Variants in WDR33 observed in about 807,000 individuals in gnomAD.
The protein encoded by WDR33 is WD repeat domain 33.
In WDR33, 47 loss-of-function variants were observed where a neutral mutation model predicts 164.9. The ratio of observed to expected loss-of-function variants is 0.29; its 90% confidence interval spans 0.23 to 0.36. The LOEUF is 0.36. Ranked by LOEUF, WDR33 falls within the 10% of genes least tolerant of loss-of-function variation. The pLI is 1.00. For synonymous variants in WDR33, 505 were observed against 589.0 expected, an observed-to-expected ratio of 0.86 and a Z score of 2.06; for missense variants, 1,137 against 1,754.1, an observed-to-expected ratio of 0.65 and a Z score of 6.28.
chr2:127,765,145 T>A (rs774066485), intron 5 of WDR33, 29 bp downstream of exon 5: 2 of 1,598,782 alleles, frequency 1.3e-6, no homozygotes, highest in East Asian at 4.5e-5. Context: ...TACCACAGGA[T>A]GATGATACCA....
chr2:127,774,652 AC>A (rs1210030450), intron 1 of WDR33, among the ~76,000 whole-genome samples: 1 of 151,198 alleles, frequency 6.6e-6, no homozygotes, highest in African/African-American at 2.4e-5. Flanking sequence ...ACATGGTGAA[AC>A]CCCGTCTCTA....
chr2:127,749,661 CAAAAAAAA>C (rs1212240477), intron 7 of WDR33, among the ~76,000 whole-genome samples: 1 of 80,986 alleles, frequency 1.2e-5, no homozygotes, highest in Admixed American at 1.3e-4. Flanking sequence ...GACTCCACCT[CAAAAAAAA>C]AAAAAAAAAG....
chr2:127,795,251 C>A (rs555913869), intron 1 of WDR33, among the ~76,000 whole-genome samples: 1 of 151,802 alleles, frequency 6.6e-6, no homozygotes, highest in African/African-American at 2.4e-5. Context: ...CAGGCGTGTA[C>A]CACCATGCCC....
chr2:127,749,212 A>G (rs1687247953), intron 7 of WDR33, among the ~76,000 whole-genome samples: 1 of 152,154 alleles, frequency 6.6e-6, no homozygotes, highest in Admixed American at 6.6e-5. Flanking sequence ...GTGGCATGCA[A>G]CTGCAGTCCC....
In WDR33 at chr2:127,716,863, G is replaced by A. The variant is rs1686314159; in HGVS notation, c.2869+292C>T. ...ACAAACACACACTTGCACTCAGTGA[G>A]CACAGGAACCACCTGCATTGCCAAC... On this transcript the variant is annotated intron_variant, in intron 17 of 21. Transcript: ENST00000322313. This position sits in a 1 kb window ranked among gnomAD's most constrained non-coding sequence, Gnocchi z 4.5. 6.6e-6 allele frequency among the ~76,000 whole-genome samples: 1 copy of A among 152,224 alleles called. No individual in the cohort carries two copies. The highest frequency in any genetic ancestry group is 2.1e-4 in the South Asian group (1 of 4,830).
At position 127,708,995 on chromosome 2, in the gene WDR33, C is replaced by G. The variant is rs1172911458; in HGVS notation, c.3566-103G>C. On this transcript the variant is annotated intron_variant, in intron 20 of 21. Coordinates refer to ENST00000322313, the MANE Select transcript of WDR33 (RefSeq NM_018383.5). This position sits in a 1 kb window ranked among gnomAD's most constrained non-coding sequence, Gnocchi z 6.7. ...GGAGCAACTCGAGAGCCACCGTTCA[C>G]TCATGCTGAATGCCCGCCAGAGGCC... 5.5e-6 allele frequency: 7 copies of G among 1,283,054 alleles called. No homozygotes were observed. The highest frequency in any genetic ancestry group is 3.0e-5 in the African/African-American group (2 of 66,836). 79.5% of individuals were successfully genotyped at this position (1,283,054 alleles called of 1,614,324 possible).
chr2:127,745,867 A>C (rs1687153314), intron 7 of WDR33, among the ~76,000 whole-genome samples: 1 of 151,962 alleles, frequency 6.6e-6, no homozygotes, highest in Non-Finnish European at 1.5e-5. Context: ...TCTATTCAAA[A>C]AACAATCTGT....
chr2:127,748,648 A>G (rs1687231531), intron 7 of WDR33, among the ~76,000 whole-genome samples: 2 of 152,210 alleles, frequency 1.3e-5, no homozygotes, highest in African/African-American at 4.8e-5. Context: ...AGCACATCCA[A>G]GTATCTGGGT....
rs1687022295 is a variant in WDR33 at position 127,741,757 on chromosome 2, C to T, written c.725-14980G>A. ...AACAGGAACAACAGATCAAACCAGA[C>T]ATCCACACAAACACCCCAATTACTA... On this transcript the variant is annotated intron_variant, in intron 7 of 21. Transcript: ENST00000322313. This position sits in a 1 kb window ranked among gnomAD's most constrained non-coding sequence, Gnocchi z 4.1. 6.6e-6 allele frequency among the ~76,000 whole-genome samples: 1 copy of T among 152,146 alleles called. No homozygotes were observed. Among genetic ancestry groups the T allele is most frequent in the Non-Finnish European group, 1.5e-5 (1 of 68,034 alleles).
chr2:127,760,089 A>G (rs1687633894), intron 7 of WDR33, among the ~76,000 whole-genome samples: 1 of 152,306 alleles, frequency 6.6e-6, no homozygotes, highest in African/African-American at 2.4e-5. Flanking sequence ...TTCTGATATA[A>G]AGAAAGAATT....
Position 127,763,152 on chromosome 2 carries a change from G to A in WDR33, c.634C>T (p.Pro212Ser), listed in dbSNP as rs1330311866. ...CATGTAGCAAATTTATTATCCGTGGGTGAGAAACTGTTACATGAAGACACA... is the reference window on the plus strand; with the variant it reads ...CATGTAGCAAATTTATTATCCGTGGATGAGAAACTGTTACATGAAGACACA... The part of the protein sequence containing the change: ...KEAIREASFS[P>S]TDNKFATCSD... Residue 212 changes from proline (P) to serine (S), a missense_variant, in exon 7 of 22, where the codon CCC becomes TCC. Physicochemically the swap from Pro to Ser is moderately conservative, Grantham distance 74 (BLOSUM62 -1). Around this residue, in one of 9 missense-constraint regions of WDR33, gnomAD observed 83 missense variants for 189.2 expected, o/e 0.44. Coordinates refer to ENST00000322313, the MANE Select transcript of WDR33 (RefSeq NM_018383.5). The surrounding 1 kb of genome is among the most constrained non-coding windows in gnomAD (Gnocchi z 4.5). 5 of 1,614,016 alleles carry A rather than the reference G, an allele frequency of 3.1e-6. No homozygotes were observed. The Admixed American group carries it at 6.7e-5, about 22-fold the overall frequency.
rs10182891 is a variant in WDR33, at chr2:127,708,411, C to A, written c.3781+266G>T. ...TGCCAAGGAGAGCAGGGCTCCCAGACAGCAAGCCGAGCAGAGAGTGCTGGG... is the reference window on the plus strand; with the variant it reads ...TGCCAAGGAGAGCAGGGCTCCCAGAAAGCAAGCCGAGCAGAGAGTGCTGGG... On this transcript the variant is annotated intron_variant, in intron 21 of 21. Transcript: ENST00000322313. This position sits in a 1 kb window ranked among gnomAD's most constrained non-coding sequence, Gnocchi z 6.7. Among the ~76,000 whole-genome samples, 8 of 152,232 alleles carry A rather than the reference C, an allele frequency of 5.3e-5. No homozygotes were observed. Among genetic ancestry groups the A allele is most frequent in the African/African-American group, 1.9e-4 (8 of 41,458 alleles).
intron 7 of WDR33, among the ~76,000 whole-genome samples, chr2:127,739,739 A>G (rs888681452): frequency 6.6e-6 from 1 of 152,250 alleles, no homozygotes; most frequent in African/African-American, 2.4e-5. Context: ...CTGCCCTGAA[A>G]AAGTTCACCA....
At chr2:127,755,163 A>C (rs955212216) in intron 7 of WDR33, among the ~76,000 whole-genome samples, 1 of 152,226 alleles carries the variant, frequency 6.6e-6, no homozygotes, top group Non-Finnish European at 1.5e-5. Context: ...TCTTTATTTA[A>C]CTTTTACAGT....
chr2:127,765,061 C>G (rs1687783408), intron 5 of WDR33, 82 bp from the exon 6 acceptor site: 1 of 1,562,420 alleles, frequency 6.4e-7, no homozygotes, highest in Admixed American at 1.8e-5. Flanking sequence ...ATATAACTGA[C>G]TCGAGGTAAT....
rs1185190077 is a variant in WDR33 at position 127,705,160 on chromosome 2, A to G, written c.*1163T>C. ...TGCCAAAACTGAAGCTGCCAATGTAATGAAATGTTAAGGTGGCCATAGGAC... is the reference window on the plus strand; with the variant it reads ...TGCCAAAACTGAAGCTGCCAATGTAGTGAAATGTTAAGGTGGCCATAGGAC... On this transcript the variant is annotated 3_prime_UTR_variant, in exon 22 of 22. Transcript: ENST00000322313. This position sits in a 1 kb window ranked among gnomAD's most constrained non-coding sequence, Gnocchi z 4.5. 4.2e-5 allele frequency: 7 copies of G among 167,254 alleles called. No individual in the cohort carries two copies. The highest frequency in any genetic ancestry group is 3.4e-3 in the Middle Eastern group (1 of 296). 10.4% of individuals were successfully genotyped at this position (167,254 alleles called of 1,614,324 possible). A position where few individuals can be genotyped will look rare whatever the true frequency, so the allele number is the denominator to read the frequency against.
chr2:127,703,281 T>C lies in WDR33; in HGVS notation c.*3042A>G, dbSNP rs1685936950. 6.0e-6 allele frequency: 1 copy of C among 167,086 alleles called. No individual in the cohort carries two copies. The highest frequency in any genetic ancestry group is 2.4e-5 in the African/African-American group (1 of 41,470). 10.4% of individuals were successfully genotyped at this position (167,086 alleles called of 1,614,324 possible). A position where few individuals can be genotyped will look rare whatever the true frequency, so the allele number is the denominator to read the frequency against. Reference sequence around the variant, plus strand: ...ATCAATGCAGTCAGAACCTGGGAAGTAGGTCCCAGACATCAGGACCTTTTT... The same window carrying C: ...ATCAATGCAGTCAGAACCTGGGAAGCAGGTCCCAGACATCAGGACCTTTTT... On this transcript the variant is annotated 3_prime_UTR_variant, in exon 22 of 22. Transcript: ENST00000322313.
chr2:127,732,108 AACACACACACACACACACACAC>A (rs71394692), intron 7 of WDR33, among the ~76,000 whole-genome samples: 50 of 138,210 alleles, frequency 3.6e-4, no homozygotes, highest in African/African-American at 1.1e-3. Flanking sequence ...CAACATATAC[AACACACACACACACACACACAC>A]ACACACACAC....
At chr2:127,796,144 T>G (rs1689032054) in intron 1 of WDR33, among the ~76,000 whole-genome samples, 1 of 151,096 alleles carries the variant, frequency 6.6e-6, no homozygotes, top group African/African-American at 2.4e-5. Context: ...CCATCATAGC[T>G]CACTGCAACC....
Sources: gnomAD v4.1 joint callset for allele counts (sites outside exome capture counted in the v4.1 genomes callset) on GRCh38, gnomAD v4.1.1 for gene constraint, gnomAD v4.1.1 regional missense constraint, Gnocchi (gnomAD v3.1) non-coding constraint, MANE v1.5 for transcripts, NCBI Gene and HGNC (gene_info 2026-07-23, HGNC 2026-07-21) for gene names.